Variants in ELP4 observed in about 807,000 individuals in gnomAD.
ELP4 encodes elongator complex protein 4.
Under a neutral mutation model 48.9 loss-of-function variants are expected in ELP4, and 51 were observed. That is an observed-to-expected ratio of 1.04 (90% CI 0.83 to 1.32). ELP4 has a LOEUF of 1.32. ELP4 is among the 40% of genes most tolerant of loss of function. The pLI, the probability that ELP4 is intolerant of heterozygous loss-of-function variation, is 0.00. For synonymous variants in ELP4, 210 were observed against 189.2 expected (o/e 1.11, Z -0.90); for missense variants, 519 against 514.6 (o/e 1.01, Z -0.08).
At position 31,786,690 on chromosome 11, in the gene ELP4, T is replaced by A. The variant is rs200326314; in HGVS notation, c.*3166T>A. On this transcript the variant is annotated 3_prime_UTR_variant, in exon 10 of 10. Transcript: ENST00000640961. The stretch of plus-strand genomic sequence containing the variant: ...ATCTTAGGAAACCTAGTGATGATAG[T>A]AAGAAGAAATGGCAGTGAGCTGTAG... The A allele has an allele frequency of 2.0e-5, 4 of 202,060 alleles. No individual in the cohort carries two copies. The highest frequency in any genetic ancestry group is 4.5e-4 in the South Asian group (2 of 4,472). 12.5% of individuals were successfully genotyped at this position (202,060 alleles called of 1,614,324 possible).
At chr11:31,715,668 T>G in intron 9 of ELP4, among the ~76,000 whole-genome samples, 1 of 152,308 alleles carries the variant, frequency 6.6e-6, no homozygotes, top group African/African-American at 2.4e-5. Flanking sequence ...ACACATAGCA[T>G]AAGTGTTTTA....
At chr11:31,761,437 G>A (rs906563848) in intron 9 of ELP4, among the ~76,000 whole-genome samples, 1 of 151,866 alleles carries the variant, frequency 6.6e-6, no homozygotes, top group African/African-American at 2.4e-5. Context: ...TTAAGTTGGA[G>A]GAATGGAAAT....
intron 3 of ELP4, among the ~76,000 whole-genome samples, chr11:31,566,262 G>C (rs1015978510): frequency 6.6e-6 from 1 of 151,948 alleles, no homozygotes; most frequent in Admixed American, 6.6e-5. Flanking sequence ...GGATGCTGGG[G>C]CAGGATAATT....
At chr11:31,640,775 C>A (rs1201144409) in intron 7 of ELP4, among the ~76,000 whole-genome samples, 1 of 151,888 alleles carries the variant, frequency 6.6e-6, no homozygotes, top group African/African-American at 2.4e-5. Context: ...CCACAATTGA[C>A]CTACAGGTTT....
At chr11:31,567,277 T>C (rs1444300624) in intron 3 of ELP4, among the ~76,000 whole-genome samples, 1 of 152,206 alleles carries the variant, frequency 6.6e-6, no homozygotes, top group African/African-American at 2.4e-5. Flanking sequence ...CCAGATTTTA[T>C]TCTAAAACAT....
Position 31,632,265 on chromosome 11 carries a change from C to G in ELP4, c.787C>G (p.Pro263Ala). 1 of 1,612,098 alleles carries G rather than the reference C, an allele frequency of 6.2e-7. No individual in the cohort carries two copies. Among genetic ancestry groups the G allele is most frequent in the Middle Eastern group, 1.7e-4 (1 of 6,048 alleles). ...LRIGIQNLGSPLWGDDICCAE... is the reference protein window; with the variant it reads ...LRIGIQNLGSALWGDDICCAE... ...AATAGGAATTCAGAATCTTGGCTCA[C>G]CTTTATGGGGAGACGATATTTGCTG... The change falls in exon 7 of 10, where the codon CCT (proline) becomes GCT (alanine). Residue 263 changes from proline (P) to alanine (A), a missense_variant. Transcript: ENST00000640961.
chr11:31,736,489 A>G (rs1947320707), intron 9 of ELP4, among the ~76,000 whole-genome samples: 2 of 152,318 alleles, frequency 1.3e-5, no homozygotes, highest in Admixed American at 6.5e-5. Context: ...ATCTAATTAA[A>G]CTAAAGAACT....
chr11:31,588,851 C>T (rs912380675), intron 3 of ELP4, among the ~76,000 whole-genome samples: 1 of 152,022 alleles, frequency 6.6e-6, no homozygotes, highest in African/African-American at 2.4e-5. Context: ...GGCGTGGTGG[C>T]GCACACCAGT....
chr11:31,658,559 G>A lies in ELP4; in HGVS notation c.1143+8338G>A, dbSNP rs75753923. On this transcript the variant is annotated intron_variant, in intron 9 of 9. Coordinates refer to ENST00000640961, the MANE Select transcript of ELP4 (RefSeq NM_019040.5). ...GAGAAAGTATTGTATACAAAGAAAT[G>A]TAGTTTTCCTTATCAACTATTTTGA... is the stretch of plus-strand genomic sequence containing the variant. Among the ~76,000 whole-genome samples, 662 of 151,896 alleles carry A rather than the reference G, an allele frequency of 4.4e-3. 7 individuals are homozygous for A. The highest frequency in any genetic ancestry group is 0.014 in the African/African-American group (596 of 41,498).
At chr11:31,646,832 G>C (rs1382806806) in intron 7 of ELP4, 1 of 150,744 alleles carries the variant, frequency 6.6e-6, no homozygotes, top group Non-Finnish European at 1.5e-5. Context: ...CTACCACCCT[G>C]TCAGGGGCTA....
At chr11:31,625,578 T>A (rs553146517) in intron 5 of ELP4, among the ~76,000 whole-genome samples, 6 of 151,950 alleles carry the variant, frequency 3.9e-5, no homozygotes. Flanking sequence ...CATGATCCCC[T>A]GTTATTATTA....
chr11:31,764,680 G>T (rs1317370748), intron 9 of ELP4, among the ~76,000 whole-genome samples: 1 of 152,140 alleles, frequency 6.6e-6, no homozygotes, highest in African/African-American at 2.4e-5. Context: ...TTTATTCAGT[G>T]CTTTACCACA....
intron 9 of ELP4, among the ~76,000 whole-genome samples, chr11:31,694,721 G>A (rs1471009921): frequency 6.6e-6 from 1 of 152,134 alleles, no homozygotes; most frequent in African/African-American, 2.4e-5. Context: ...AGCTTAATGG[G>A]GATGGCATTG....
At chr11:31,748,818 AC>A (rs1280328270) in intron 9 of ELP4, among the ~76,000 whole-genome samples, 8 of 152,092 alleles carry the variant, frequency 5.3e-5, no homozygotes, top group African/African-American at 1.7e-4. Context: ...AGCCTGGTGG[AC>A]ATAGCAAGAC....
Position 31,509,894 on chromosome 11 carries a change from G to C in ELP4, c.110G>C (p.Ser37Thr), listed in dbSNP as rs1387031316. 6.2e-7 allele frequency: 1 copy of C among 1,614,034 alleles called. No homozygotes were observed. The highest frequency in any genetic ancestry group is 1.3e-5 in the African/African-American group (1 of 74,954). Residue 37 changes from serine to threonine, a missense_variant, in exon 1 of 10, where the codon AGC becomes ACC. Physicochemically the swap from Ser to Thr is moderately conservative, Grantham distance 58. Coordinates refer to ENST00000640961, the MANE Select transcript of ELP4 (RefSeq NM_019040.5). ...TSFQRRGPRASVTNDSGPRLV... is the reference protein window; with the variant it reads ...TSFQRRGPRATVTNDSGPRLV... ...TTCCAGAGGAGGGGTCCTAGAGCCA[G>C]CGTGACCAACGACAGCGGCCCTCGA...
chr11:31,554,059 G>T (rs576359102), intron 3 of ELP4, among the ~76,000 whole-genome samples: 82 of 152,304 alleles, frequency 5.4e-4, no homozygotes, highest in African/African-American at 2.0e-3. Context: ...CTCCGAATGA[G>T]AATCTAATGC....
At chr11:31,757,331 C>A (rs1482134892) in intron 9 of ELP4, among the ~76,000 whole-genome samples, 1 of 151,940 alleles carries the variant, frequency 6.6e-6, no homozygotes, top group East Asian at 1.9e-4. Flanking sequence ...GGAAAGATCC[C>A]AGTTACATTT....
intron 3 of ELP4, among the ~76,000 whole-genome samples, chr11:31,555,151 A>G (rs1294374273): frequency 6.6e-6 from 1 of 152,124 alleles, no homozygotes; most frequent in Non-Finnish European, 1.5e-5. Flanking sequence ...TGATTTGACT[A>G]TAATGTGCTA....
At position 31,657,754 on chromosome 11, in the gene ELP4, A is replaced by G. The variant is rs1021422337; in HGVS notation, c.1143+7533A>G. 3.3e-5 allele frequency among the ~76,000 whole-genome samples: 5 copies of G among 152,024 alleles called. No homozygotes were observed. In the East Asian group the frequency reaches 5.8e-4, roughly 18 times the overall value. ...ATAACCTTCCTTCCCAAAGTCATAC[A>G]TCTGTGGTTACAGCCAGGATTAAAT... On this transcript the variant is annotated intron_variant, in intron 9 of 9. Transcript: ENST00000640961.
Sources: gnomAD v4.1 joint callset for allele counts (sites outside exome capture counted in the v4.1 genomes callset) on GRCh38, gnomAD v4.1.1 for gene constraint, MANE v1.5 for transcripts, NCBI Gene and HGNC (gene_info 2026-07-23, HGNC 2026-07-21) for gene names.